Variants in BCKDHB observed in about 807,000 individuals in gnomAD.
BCKDHB encodes branched chain keto acid dehydrogenase E1 subunit beta, also known as 2-oxoisovalerate dehydrogenase subunit beta, mitochondrial.
Under a neutral mutation model 48.5 loss-of-function variants are expected in BCKDHB, and 41 were observed. The observed-to-expected ratio is 0.85, with a 90% CI of 0.66 to 1.10. The LOEUF is 1.10. BCKDHB is among the 50% of genes least tolerant of loss of function. The pLI is 0.00. For missense variants in BCKDHB, 496 were observed against 494.2 expected (o/e 1.00, Z -0.03); for synonymous variants, 201 against 174.8 (o/e 1.15, Z -1.18).
At chr6:80,454,418 T>A in the BCKDHB span, among the ~76,000 whole-genome samples, 1 of 152,144 alleles carries the variant, frequency 6.6e-6, no homozygotes, top group Non-Finnish European at 1.5e-5. Context: ...GGCCACACAC[T>A]ACTGAGGTAT....
chr6:80,294,536 A>C (rs1767121968), intron 9 of BCKDHB, among the ~76,000 whole-genome samples: 1 of 152,204 alleles, frequency 6.6e-6, no homozygotes, highest in Non-Finnish European at 1.5e-5. Context: ...AGTAGGAGAC[A>C]TATCGCTAAA....
chr6:80,328,027 A>G (rs961245837), intron 9 of BCKDHB, among the ~76,000 whole-genome samples: 5 of 150,914 alleles, frequency 3.3e-5, no homozygotes, highest in Non-Finnish European at 7.4e-5. Flanking sequence ...CCTGACGACC[A>G]TCTGAGTTGA....
intron 3 of BCKDHB, among the ~76,000 whole-genome samples, chr6:80,147,920 A>G (rs1771568454): frequency 6.6e-6 from 1 of 152,094 alleles, no homozygotes; most frequent in Non-Finnish European, 1.5e-5. Context: ...GTTGAGGTGA[A>G]TGGAGAGGCA....
chr6:80,367,112 G>C, the BCKDHB span, among the ~76,000 whole-genome samples: 1 of 152,068 alleles, frequency 6.6e-6, no homozygotes, highest in Non-Finnish European at 1.5e-5. Flanking sequence ...ATAATTTGTG[G>C]GGCCCAAAGC....
chr6:80,244,055 T>C (rs1776504899), intron 8 of BCKDHB, among the ~76,000 whole-genome samples: 1 of 152,248 alleles, frequency 6.6e-6, no homozygotes, highest in Non-Finnish European at 1.5e-5. Context: ...TGAGGGCTGA[T>C]CTATAATCCT....
chr6:80,290,441 G>A (rs558312078), intron 9 of BCKDHB, among the ~76,000 whole-genome samples: 5 of 152,196 alleles, frequency 3.3e-5, no homozygotes, highest in Non-Finnish European at 7.4e-5. Context: ...CTGGTGAGGG[G>A]GCCATGTCTC....
intron 3 of BCKDHB, among the ~76,000 whole-genome samples, chr6:80,151,483 T>C (rs1445868373): frequency 6.6e-6 from 1 of 152,100 alleles, no homozygotes; most frequent in Non-Finnish European, 1.5e-5. Context: ...TTAAACTGTA[T>C]TGCATTTGGG....
chr6:80,448,385 G>T, the BCKDHB span, among the ~76,000 whole-genome samples: 1 of 152,154 alleles, frequency 6.6e-6, no homozygotes, highest in Non-Finnish European at 1.5e-5. Context: ...TAAGTTTTTG[G>T]ATGCTATGTG....
At chr6:80,140,402 C>G (rs1358351584) in intron 3 of BCKDHB, among the ~76,000 whole-genome samples, 1 of 152,150 alleles carries the variant, frequency 6.6e-6, no homozygotes, top group Non-Finnish European at 1.5e-5. Context: ...GGGAATGCTT[C>G]CAGTTTTTGT....
At chr6:80,464,977 C>T in the BCKDHB span, among the ~76,000 whole-genome samples, 1 of 152,202 alleles carries the variant, frequency 6.6e-6, no homozygotes, top group African/African-American at 2.4e-5. Flanking sequence ...CTTCTTTATG[C>T]AGGCTGATTG....
At chr6:80,292,002 G>A (rs1766945543) in intron 9 of BCKDHB, among the ~76,000 whole-genome samples, 1 of 152,100 alleles carries the variant, frequency 6.6e-6, no homozygotes, top group South Asian at 2.1e-4. Context: ...CCCTGCCATG[G>A]GTTTGTACCC....
chr6:80,290,103 C>T (rs1363660399), intron 9 of BCKDHB, among the ~76,000 whole-genome samples: 6 of 152,202 alleles, frequency 3.9e-5, no homozygotes, highest in Admixed American at 6.5e-5. Context: ...ATTGGATCCT[C>T]CCAGTACAGC....
chr6:80,359,446 AT>A, the BCKDHB span, among the ~76,000 whole-genome samples: 4 of 152,096 alleles, frequency 2.6e-5, no homozygotes, highest in Non-Finnish European at 1.5e-5. Context: ...CATTTCTATC[AT>A]TCTTCTGATG....
the BCKDHB span, among the ~76,000 whole-genome samples, chr6:80,368,476 C>T: frequency 6.6e-6 from 1 of 152,114 alleles, no homozygotes. Flanking sequence ...CAAAATTATT[C>T]TTATAATACA....
the BCKDHB span, among the ~76,000 whole-genome samples, chr6:80,414,604 G>C: frequency 3.9e-5 from 6 of 152,106 alleles, no homozygotes; most frequent in Admixed American, 2.0e-4. Flanking sequence ...TCTCTATTCT[G>C]TTCTATTGGC....
At chr6:80,238,369 G>T (rs1776232821) in intron 8 of BCKDHB, among the ~76,000 whole-genome samples, 1 of 152,180 alleles carries the variant, frequency 6.6e-6, no homozygotes, top group Non-Finnish European at 1.5e-5. Context: ...AAAGTGCTGG[G>T]ATTACAGGCG....
At chr6:80,187,380 G>A (rs1773691254) in intron 6 of BCKDHB, among the ~76,000 whole-genome samples, 1 of 151,958 alleles carries the variant, frequency 6.6e-6, no homozygotes, top group Non-Finnish European at 1.5e-5. Flanking sequence ...TTAAACCTAA[G>A]CTTTTATTTA....
intron 6 of BCKDHB, among the ~76,000 whole-genome samples, chr6:80,184,041 G>A (rs144185028): frequency 2.6e-5 from 4 of 152,208 alleles, no homozygotes; most frequent in African/African-American, 9.6e-5. Context: ...GAATAAAGTT[G>A]CTGTAAACAT....
intron 8 of BCKDHB, among the ~76,000 whole-genome samples, chr6:80,206,901 A>G (rs56935289): frequency 0.035 from 5,394 of 152,172 alleles, 308 homozygotes; most frequent in African/African-American, 0.12. Flanking sequence ...TTTTAAGATT[A>G]TATTCAAAGA....
Sources: allele counts gnomAD v4.1 joint callset (sites outside exome capture counted in the v4.1 genomes callset), GRCh38; gene constraint gnomAD v4.1.1; transcripts MANE v1.5; gene names NCBI Gene and HGNC (gene_info 2026-07-23, HGNC 2026-07-21).